The following FAM222A variants were observed in gnomAD, a reference collection of about 807,000 sequenced individuals.
The protein encoded by FAM222A is family with sequence similarity 222 member A.
FAM222A carries 7 observed loss-of-function variants against 25.8 expected under a neutral mutation model. That is an observed-to-expected ratio of 0.27 (90% confidence interval 0.15 to 0.51). FAM222A has a LOEUF of 0.51. Ranked by LOEUF, FAM222A falls within the 20% of genes least tolerant of loss-of-function variation. The pLI is 0.97. For synonymous variants in FAM222A, 294 were observed against 298.8 expected (o/e 0.98, Z 0.17); for missense variants, 573 against 640.5 (o/e 0.89, Z 1.14).
At chr12:109,743,529 C>G (rs1388733861) in intron 1 of FAM222A, among the ~76,000 whole-genome samples, 1 of 152,206 alleles carries the variant, frequency 6.6e-6, no homozygotes, top group African/African-American at 2.4e-5. Flanking sequence ...CAGCATGGAT[C>G]AAGGTTCAAG....
intron 1 of FAM222A, chr12:109,735,841 T>C (rs1334689160): frequency 1.3e-5 from 2 of 152,048 alleles, no homozygotes; most frequent in Non-Finnish European, 2.9e-5. Context: ...GATGACGGAG[T>C]CTTACTTGAC....
chr12:109,744,905 C>A lies in FAM222A; in HGVS notation c.82+677C>A, dbSNP rs533662142. 23 of 495,466 alleles carry A rather than the reference C, an allele frequency of 4.6e-5. No homozygotes were observed. The East Asian group carries it at 2.9e-3, about 62-fold the overall frequency. 30.7% of individuals were successfully genotyped at this position (495,466 alleles called of 1,614,324 possible). ...AGCTATGGTTAGAGCTGAATGACTG[C>A]CTCTTTTAAAGGGATGTCTGTCTCC... On this transcript the variant is annotated intron_variant, in intron 2 of 2. Coordinates refer to ENST00000538780, the MANE Select transcript of FAM222A (RefSeq NM_032829.3).
chr12:109,757,688 C>G (rs1345835921), intron 2 of FAM222A, among the ~76,000 whole-genome samples: 2 of 150,226 alleles, frequency 1.3e-5, no homozygotes, highest in African/African-American at 2.5e-5. Context: ...TATAATGGAC[C>G]AGTGTCCAGA....
At chr12:109,739,875 C>T (rs1888190604) in intron 1 of FAM222A, among the ~76,000 whole-genome samples, 1 of 152,206 alleles carries the variant, frequency 6.6e-6, no homozygotes, top group Non-Finnish European at 1.5e-5. Context: ...AATGGAGCCA[C>T]AGAGGCCACG....
intron 2 of FAM222A, among the ~76,000 whole-genome samples, chr12:109,765,050 C>T (rs1486415651): frequency 6.6e-6 from 1 of 152,210 alleles, no homozygotes. Flanking sequence ...CTGCCCTGGC[C>T]AGGTCAGACC....
chr12:109,754,273 T>C (rs1888646885), intron 2 of FAM222A, among the ~76,000 whole-genome samples: 2 of 151,926 alleles, frequency 1.3e-5, no homozygotes, highest in Non-Finnish European at 2.9e-5. Context: ...TAAAATTATC[T>C]GCATAGAAAA....
chr12:109,755,676 C>T (rs1019343181), intron 2 of FAM222A, among the ~76,000 whole-genome samples: 19 of 152,134 alleles, frequency 1.2e-4, no homozygotes, highest in South Asian at 4.1e-4. Flanking sequence ...GGAAAGGATC[C>T]GACTTCATTC....
chr12:109,742,776 G>T (rs1301986981), intron 1 of FAM222A, among the ~76,000 whole-genome samples: 4 of 152,102 alleles, frequency 2.6e-5, no homozygotes, highest in Non-Finnish European at 4.4e-5. Context: ...GAGAGGCCAG[G>T]ACAGACGGGA....
At chr12:109,733,924 C>T (rs1888009742) in intron 1 of FAM222A, among the ~76,000 whole-genome samples, 2 of 152,096 alleles carry the variant, frequency 1.3e-5, no homozygotes, top group South Asian at 4.2e-4. Context: ...GTTAGAAAAG[C>T]CACGGAAGAC....
intron 2 of FAM222A, among the ~76,000 whole-genome samples, chr12:109,752,003 TA>T (rs1351708438): frequency 6.6e-6 from 1 of 152,262 alleles, no homozygotes; most frequent in African/African-American, 2.4e-5. Flanking sequence ...CTCACTATTC[TA>T]AACATTCCTG....
chr12:109,761,569 A>T (rs962953150), intron 2 of FAM222A, among the ~76,000 whole-genome samples: 2 of 152,178 alleles, frequency 1.3e-5, no homozygotes, highest in East Asian at 3.9e-4. Flanking sequence ...ATCTCCTTCC[A>T]GAGAGAAGGA....
intron 1 of FAM222A, among the ~76,000 whole-genome samples, chr12:109,737,609 AT>A (rs1888121889): frequency 6.6e-6 from 1 of 151,092 alleles, no homozygotes; most frequent in Non-Finnish European, 1.5e-5. Context: ...AAAGGTAAAA[AT>A]CCCCTTCTGG....
chr12:109,728,756 G>C (rs530895100), intron 1 of FAM222A, among the ~76,000 whole-genome samples: 182 of 152,346 alleles, frequency 1.2e-3, no homozygotes, highest in Non-Finnish European at 1.7e-3. Context: ...CAAAGATCCA[G>C]TCCAGCCCTC....
At chr12:109,759,976 C>A (rs563556098) in intron 2 of FAM222A, among the ~76,000 whole-genome samples, 1 of 152,128 alleles carries the variant, frequency 6.6e-6, no homozygotes, top group Non-Finnish European at 1.5e-5. Context: ...TACGAGGGCA[C>A]GTCAGGGGCT....
intron 2 of FAM222A, among the ~76,000 whole-genome samples, chr12:109,767,307 C>G (rs1399425152): frequency 1.3e-5 from 2 of 152,020 alleles, no homozygotes; most frequent in African/African-American, 2.4e-5. Flanking sequence ...GCAGGAGGAT[C>G]ACTTGAGCTC....
intron 1 of FAM222A, among the ~76,000 whole-genome samples, chr12:109,736,812 T>G (rs539739833): frequency 6.6e-6 from 1 of 152,290 alleles, no homozygotes; most frequent in East Asian, 1.9e-4. Flanking sequence ...TCCAGGGCTC[T>G]TGCGCCGGGA....
chr12:109,744,581 A>C lies in FAM222A; in HGVS notation c.82+353A>C. On this transcript the variant is annotated intron_variant, in intron 2 of 2. Coordinates refer to ENST00000538780, the MANE Select transcript of FAM222A (RefSeq NM_032829.3). ...CATTAAAGTAGGATGACGTGGAAGC[A>C]AAAAATAGACAGAATGGGGTCCCCG... 4.1e-6 allele frequency: 4 copies of C among 985,398 alleles called. No individual in the cohort carries two copies. In the South Asian group the frequency reaches 1.9e-4, roughly 46 times the overall value. 61.0% of individuals were successfully genotyped at this position (985,398 alleles called of 1,614,324 possible).
At chr12:109,727,221 G>T (rs918688919) in intron 1 of FAM222A, among the ~76,000 whole-genome samples, 2 of 152,122 alleles carry the variant, frequency 1.3e-5, no homozygotes, top group African/African-American at 4.8e-5. Context: ...GCTTGAGCCG[G>T]GCCGGGCGGC....
chr12:109,715,679 C>T (rs1887630055), intron 1 of FAM222A, among the ~76,000 whole-genome samples: 1 of 152,218 alleles, frequency 6.6e-6, no homozygotes, highest in South Asian at 2.1e-4. Flanking sequence ...CCTGTTGATG[C>T]TCCTCCCCGC....
Sources: allele counts gnomAD v4.1 joint callset (sites outside exome capture counted in the v4.1 genomes callset), GRCh38; gene constraint gnomAD v4.1.1; transcripts MANE v1.5; gene names NCBI Gene and HGNC (gene_info 2026-07-23, HGNC 2026-07-21).